Variants in CDH22 observed in about 807,000 individuals in gnomAD.
The protein encoded by CDH22 is cadherin 22, also known as cadherin-22.
CDH22 carries 30 observed loss-of-function variants against 58.4 expected under a neutral mutation model. That is an observed-to-expected ratio of 0.51 (90% CI 0.38 to 0.70). The LOEUF (loss-of-function observed/expected upper bound fraction) is 0.70. CDH22 is among the 30% of genes least tolerant of loss of function. The pLI is 0.00. For synonymous variants in CDH22, 513 were observed against 558.2 expected, an observed-to-expected ratio of 0.92 and a Z score of 1.14; for missense variants, 1,014 against 1,233.9, an observed-to-expected ratio of 0.82 and a Z score of 2.67.
intron 6 of CDH22, among the ~76,000 whole-genome samples, chr20:46,211,478 T>G (rs2086043089): frequency 6.6e-6 from 1 of 152,212 alleles, no homozygotes; most frequent in Non-Finnish European, 1.5e-5. Flanking sequence ...GGCGGTGGCC[T>G]GGCCTAGGAG....
Position 46,241,086 on chromosome 20 carries a change from C to A in CDH22, c.427G>T (p.Ala143Ser). The A allele has an allele frequency of 6.2e-7, 1 of 1,614,160 alleles. No individual in the cohort carries two copies. Among genetic ancestry groups the A allele is most frequent in the Non-Finnish European group, 8.5e-7 (1 of 1,180,014 alleles). The change falls in exon 3 of 12, where the codon GCC becomes TCC. Residue 143 changes from alanine (A) to serine (S), a missense_variant. Physicochemically the swap from Ala to Ser is moderately conservative, Grantham distance 99 (BLOSUM62 1). Coordinates refer to ENST00000537909, the MANE Select transcript of CDH22 (RefSeq NM_021248.3). This position sits in a 1 kb window ranked among gnomAD's most constrained non-coding sequence, Gnocchi z 5.2. ...YTLRAQARDR[A>S]TNRLLEPESE... is the part of the protein sequence containing the mutation. ...TCGGGCTCCAGTAGGCGGTTGGTGG[C>A]GCGATCCCGAGCCTGGGCCCGCAGC...
intron 10 of CDH22, 47 bp downstream of exon 10, chr20:46,186,541 G>T: frequency 7.4e-7 from 1 of 1,344,828 alleles, no homozygotes; most frequent in Non-Finnish European, 1.1e-6. Flanking sequence ...AACAGGGCAG[G>T]GAGACTGTGC....
intron 1 of CDH22, among the ~76,000 whole-genome samples, chr20:46,275,813 G>A (rs2086514558): frequency 6.6e-6 from 1 of 152,016 alleles, no homozygotes; most frequent in Non-Finnish European, 1.5e-5. Flanking sequence ...AATTAAGCCA[G>A]TAATAGAGGG....
intron 10 of CDH22, among the ~76,000 whole-genome samples, chr20:46,185,273 T>G (rs952593953): frequency 5.9e-5 from 9 of 151,954 alleles, no homozygotes; most frequent in Non-Finnish European, 1.2e-4. Context: ...ACTGCCCCCT[T>G]CCCTCAGTCT....
At chr20:46,270,196 G>A (rs923359217) in intron 1 of CDH22, among the ~76,000 whole-genome samples, 1 of 152,202 alleles carries the variant, frequency 6.6e-6, no homozygotes, top group African/African-American at 2.4e-5. Context: ...TTGCTACAGG[G>A]CTGGGTCTTA....
chr20:46,212,983 A>AGGC lies in CDH22; in HGVS notation c.1032+9_1032+11dup. ...AGGCCTGCCTCCCCCATTCCTCCTG[A>AGGC]GGCAGCTGCACCTTCTGCACTACGA... On this transcript the variant is annotated intron_variant, in intron 6 of 11. Coordinates refer to ENST00000537909, the MANE Select transcript of CDH22 (RefSeq NM_021248.3). 1.2e-6 allele frequency: 2 copies of AGGC among 1,612,256 alleles called. No individual in the cohort carries two copies. The highest frequency in any genetic ancestry group is 1.7e-6 in the Non-Finnish European group (2 of 1,178,536).
chr20:46,265,254 C>T (rs1454544127), intron 1 of CDH22, among the ~76,000 whole-genome samples: 1 of 152,176 alleles, frequency 6.6e-6, no homozygotes, highest in Admixed American at 6.5e-5. Context: ...GCCAGCCAAG[C>T]AGAGTCCCAG....
Position 46,210,312 on chromosome 20 carries a change from G to A in CDH22, c.1281C>T (p.Pro427=), listed in dbSNP as rs970912360. The change falls in exon 7 of 12, where the codon CCC becomes CCT. Residue 427 remains proline (P), a synonymous_variant. Transcript: ENST00000537909. The surrounding 1 kb of genome is among the most constrained non-coding windows in gnomAD (Gnocchi z 4.5). ...GCCCCGGGCGGGGGTCTCACCGGACGGGCCGGTTGGCGGCGTCGGGGTCCC... is the reference window on the plus strand; with the variant it reads ...GCCCCGGGCGGGGGTCTCACCGGACAGGCCGGTTGGCGGCGTCGGGGTCCC... ...TARDPDAANR[P]VRYAIDRESD... 9 of 1,439,620 alleles carry A rather than the reference G, an allele frequency of 6.3e-6. No homozygotes were observed. Among genetic ancestry groups the A allele is most frequent in the East Asian group, 6.0e-5 (2 of 33,094 alleles). The allele number at this position is 1,439,620 out of a possible 1,614,324, so 89.2% of individuals were successfully genotyped here. A position where few individuals can be genotyped will look rare whatever the true frequency, so the allele number is the denominator to read the frequency against.
At chr20:46,227,471 C>T in intron 4 of CDH22, 37 bp downstream of exon 4, 1 of 1,501,822 alleles carries the variant, frequency 6.7e-7, no homozygotes. Flanking sequence ...CTGGCCCCGC[C>T]CCACGGCTCC....
At chr20:46,261,621 C>A (rs912191229) in intron 1 of CDH22, among the ~76,000 whole-genome samples, 2 of 152,172 alleles carry the variant, frequency 1.3e-5, no homozygotes, top group Admixed American at 1.3e-4. Flanking sequence ...GCTTCCAGGG[C>A]TGCCAGTGGG....
chr20:46,275,915 G>A (rs1442473954), intron 1 of CDH22, among the ~76,000 whole-genome samples: 2 of 151,480 alleles, frequency 1.3e-5, no homozygotes, highest in African/African-American at 4.9e-5. Context: ...GGTCTTCCTG[G>A]AGAGTGATCT....
chr20:46,178,538 T>C (rs541487082), intron 10 of CDH22, among the ~76,000 whole-genome samples: 1 of 150,296 alleles, frequency 6.7e-6, no homozygotes, highest in South Asian at 2.1e-4. Flanking sequence ...CCCCAGCTAT[T>C]CCCAGATTCC....
intron 8 of CDH22, among the ~76,000 whole-genome samples, chr20:46,188,212 T>C (rs1463286843): frequency 6.6e-6 from 1 of 152,228 alleles, no homozygotes; most frequent in Non-Finnish European, 1.5e-5. Context: ...TGTTTGGTCT[T>C]GGGTAAGACC....
At chr20:46,204,563 C>T (rs542982090) in intron 7 of CDH22, among the ~76,000 whole-genome samples, 6 of 152,170 alleles carry the variant, frequency 3.9e-5, no homozygotes, top group Admixed American at 2.6e-4. Context: ...GTATCATGAG[C>T]TCTTCGAATC....
intron 1 of CDH22, among the ~76,000 whole-genome samples, chr20:46,284,243 A>G (rs2086564902): frequency 1.3e-5 from 2 of 151,960 alleles, no homozygotes; most frequent in South Asian, 2.1e-4. Context: ...GGCAGGACAA[A>G]GACCACCAGG....
At chr20:46,224,830 A>C (rs2086159426) in intron 4 of CDH22, among the ~76,000 whole-genome samples, 1 of 152,050 alleles carries the variant, frequency 6.6e-6, no homozygotes, top group African/African-American at 2.4e-5. Flanking sequence ...ATCAATCCTC[A>C]CTATGAATTC....
In CDH22 at chr20:46,245,814, C is replaced by T. The variant is rs568782913; in HGVS notation, c.256-4557G>A. Among the ~76,000 whole-genome samples, 5 of 152,276 alleles carry T rather than the reference C, an allele frequency of 3.3e-5. No homozygotes were observed. The South Asian group carries it at 6.2e-4, about 19-fold the overall frequency. On this transcript the variant is annotated intron_variant, in intron 2 of 11. Transcript: ENST00000537909. ...AGTTCTAGACCTTTTACTGCTGTCT[C>T]ATTGATGTCTCATCTTGTGCATCAG...
chr20:46,299,775 G>A (rs936320039), intron 1 of CDH22, among the ~76,000 whole-genome samples: 1 of 152,182 alleles, frequency 6.6e-6, no homozygotes. Flanking sequence ...GTACAGATGA[G>A]GAAACTGAGG....
At chr20:46,187,676 C>T (rs6032711) in intron 8 of CDH22, among the ~76,000 whole-genome samples, 96 of 152,116 alleles carry the variant, frequency 6.3e-4, no homozygotes, top group African/African-American at 2.1e-3. Flanking sequence ...CCACCTATTA[C>T]TACTATTACC....
Sources: allele counts gnomAD v4.1 joint callset (sites outside exome capture counted in the v4.1 genomes callset), GRCh38; gene constraint gnomAD v4.1.1; non-coding constraint Gnocchi (gnomAD v3.1); transcripts MANE v1.5; gene names NCBI Gene and HGNC (gene_info 2026-07-23, HGNC 2026-07-21).